HEXB: variants seen among roughly 807,000 people sequenced by gnomAD.
HEXB encodes the protein hexosaminidase subunit beta.
A neutral mutation model predicts 71.2 loss-of-function variants in HEXB; 51 were observed. The ratio of observed to expected loss-of-function variants is 0.72; its 90% CI spans 0.57 to 0.90. The LOEUF is 0.90. Ranked by LOEUF, HEXB falls within the 40% of genes least tolerant of loss-of-function variation. HEXB has a pLI of 0.00. For synonymous variants in HEXB, 266 were observed against 249.3 expected (o/e 1.07, Z -0.63); for missense variants, 617 against 677.0 (o/e 0.91, Z 0.98).
chr5:74,655,092 G>A (rs1748193181), intron 1 of HEXB, among the ~76,000 whole-genome samples: 1 of 147,824 alleles, frequency 6.8e-6, no homozygotes, highest in South Asian at 2.2e-4. Flanking sequence ...AGAGGGTGGA[G>A]GTGAGTGTAG....
rs3058406 is a variant in HEXB at position 74,644,764 on chromosome 5, C to CTTTTTTTTTTTTTTT, written c.-377+4217_-377+4231dup. On this transcript the variant is annotated intron_variant, in intron 1 of 13. Transcript: ENST00000511181. The stretch of plus-strand genomic sequence containing the variant: ...GAGAGTATTCTTCCTCTTTTTTTTC[C>CTTTTTTTTTTTTTTT]TTTTTTTTTTTTTTTTTTTTTTTTT... 8.1e-4 allele frequency among the ~76,000 whole-genome samples: 59 copies of CTTTTTTTTTTTTTTT among 72,956 alleles called. 2 individuals carry two copies. The highest frequency in any genetic ancestry group is 2.0e-3 in the Admixed American group (8 of 4,064). 47.9% of individuals were successfully genotyped at this position (72,956 alleles called of 152,430 possible). A position where few individuals can be genotyped will look rare whatever the true frequency, so the allele number is the denominator to read the frequency against.
At chr5:74,714,037 G>A (rs550468096) in intron 7 of HEXB, among the ~76,000 whole-genome samples, 7 of 152,166 alleles carry the variant, frequency 4.6e-5, no homozygotes, top group African/African-American at 1.4e-4. Context: ...GGGTTTCACC[G>A]TGTTACCCAG....
rs547811124 is a variant in HEXB at position 74,661,908 on chromosome 5, C to T, written c.-377+21350C>T. On this transcript the variant is annotated intron_variant, in intron 1 of 13. Coordinates refer to the HEXB transcript ENST00000511181. The stretch of plus-strand genomic sequence containing the variant: ...TCTTGAGCAGCCTGGCCACATATAG[C>T]CAAATACCAAGTGCTTCCTGGTTCA... Among the ~76,000 whole-genome samples the T allele has an allele frequency of 2.0e-3, 297 of 152,296 alleles. 2 individuals are homozygous for T. Among genetic ancestry groups the T allele is most frequent in the African/African-American group, 6.6e-3 (276 of 41,558 alleles).
intron 1 of HEXB, among the ~76,000 whole-genome samples, chr5:74,642,295 G>C (rs1224254584): frequency 6.6e-6 from 1 of 151,992 alleles, no homozygotes; most frequent in Non-Finnish European, 1.5e-5. Flanking sequence ...CTCGGCTTGA[G>C]GCTGATTCAC....
At chr5:74,663,713 A>T (rs184555498) in intron 1 of HEXB, among the ~76,000 whole-genome samples, 1 of 152,386 alleles carries the variant, frequency 6.6e-6, no homozygotes, top group East Asian at 1.9e-4. Context: ...CCTATCCATT[A>T]CATATAGATC....
chr5:74,685,219 G>C, upstream of HEXB: 2 of 1,471,178 alleles, frequency 1.4e-6, no homozygotes, highest in Non-Finnish European at 1.8e-6. Flanking sequence ...CGGGTCCCGA[G>C]GCTCCGGCTC....
chr5:74,715,994 G>A (rs1359136404), intron 8 of HEXB, among the ~76,000 whole-genome samples: 4 of 127,246 alleles, frequency 3.1e-5, no homozygotes, highest in African/African-American at 1.2e-4. Context: ...TCCAGACTGA[G>A]TGACAGAGTG....
intron 5 of HEXB, among the ~76,000 whole-genome samples, chr5:74,702,311 C>G (rs952163943): frequency 1.4e-4 from 21 of 151,710 alleles, no homozygotes; most frequent in Admixed American, 6.6e-5. Context: ...ATCTCCTGAC[C>G]TCGTGATCCG....
chr5:74,719,895 C>T (rs1264246956), intron 11 of HEXB: 6 of 157,394 alleles, frequency 3.8e-5, no homozygotes, highest in Admixed American at 6.1e-5. Context: ...GAGCCAAGAT[C>T]GCGCCACTGC....
In HEXB at chr5:74,720,469, T is replaced by C; in HGVS notation, c.1459T>C (p.Cys487Arg). ...QKQLFIGGEA[C>R]LWGEYVDATN... ...ACAACTTTTCATTGGTGGAGAAGCT[T>C]GTCTATGGGGAGAATATGTGGATGC... is the stretch of plus-strand genomic sequence containing the variant. Residue 487 changes from cysteine to arginine, a missense_variant, in exon 12 of 14, where the codon TGT becomes CGT. Cys to Arg is a radical substitution (Grantham distance 180). Transcript: ENST00000261416. 6.2e-7 allele frequency: 1 copy of C among 1,613,688 alleles called. No homozygotes were observed. The highest frequency in any genetic ancestry group is 8.5e-7 in the Non-Finnish European group (1 of 1,179,552).
chr5:74,687,543 A>AAACT (rs1339048515), intron 1 of HEXB, among the ~76,000 whole-genome samples: 3 of 152,186 alleles, frequency 2.0e-5, no homozygotes, highest in African/African-American at 7.2e-5. Context: ...CTGGAAGGCT[A>AAACT]AACTAACCCA....
At position 74,715,677 on chromosome 5, in the gene HEXB, G is replaced by C. The variant is rs1354786875; in HGVS notation, c.1069G>C (p.Glu357Gln). ...QFIHLGGDEV[E>Q]FKCWESNPKI... is the part of the protein sequence containing the mutation. ...CATTCATTTGGGAGGAGATGAAGTG[G>C]AATTTAAATGTTGGTAAGATGATTC... The change falls in exon 8 of 14, where the codon GAA becomes CAA. Residue 357 changes from glutamate to glutamine, a missense_variant. Transcript: ENST00000261416. 2 of 1,595,824 alleles carry C rather than the reference G, an allele frequency of 1.3e-6. No individual in the cohort carries two copies. Among genetic ancestry groups the C allele is most frequent in the Admixed American group, 3.3e-5 (2 of 59,810 alleles).
chr5:74,717,477 C>CAT (rs57555383), intron 9 of HEXB, among the ~76,000 whole-genome samples: 17,958 of 146,480 alleles, frequency 0.12, 1,135 homozygotes, highest in African/African-American at 0.17. Flanking sequence ...CTGAAAAATG[C>CAT]ATATATATAT....
intron 3 of HEXB, among the ~76,000 whole-genome samples, chr5:74,694,885 G>A (rs1749077721): frequency 6.6e-6 from 1 of 152,030 alleles, no homozygotes; most frequent in African/African-American, 2.4e-5. Context: ...CAGGAGAATT[G>A]CTTGAACCTG....
Position 74,713,944 on chromosome 5 carries a change from G to T in HEXB, c.901+309G>T, listed in dbSNP as rs189625847. 2.8e-4 allele frequency among the ~76,000 whole-genome samples: 43 copies of T among 152,288 alleles called. 1 individual carries two copies. The East Asian group carries it at 7.7e-3, about 27-fold the overall frequency. On this transcript the variant is annotated intron_variant, in intron 7 of 13. Transcript: ENST00000261416. Reference sequence around the variant, plus strand: ...CAACCTCTGCCTCCCAGGTTCAAGCGATTCTCCTGCCTCAGCCTACTGAGT... The same window carrying T: ...CAACCTCTGCCTCCCAGGTTCAAGCTATTCTCCTGCCTCAGCCTACTGAGT...
At chr5:74,721,048 A>C in intron 13 of HEXB, 70 bp from the exon 14 acceptor site, 1 of 1,211,010 alleles carries the variant, frequency 8.3e-7, no homozygotes, top group East Asian at 2.4e-5. Flanking sequence ...ATGAATATCA[A>C]TCTAAAATAT....
chr5:74,702,320 C>T (rs1396929129), intron 5 of HEXB, among the ~76,000 whole-genome samples: 8 of 151,792 alleles, frequency 5.3e-5, no homozygotes, highest in South Asian at 2.1e-4. Context: ...CCTCGTGATC[C>T]GCCCGCCTCG....
chr5:74,670,022 A>G (rs1436627699), intron 1 of HEXB, among the ~76,000 whole-genome samples: 2 of 152,170 alleles, frequency 1.3e-5, no homozygotes, highest in Admixed American at 1.3e-4. Flanking sequence ...TCCCCAGTGA[A>G]ACCTGACCTT....
upstream of HEXB, among the ~76,000 whole-genome samples, chr5:74,681,310 C>T (rs1011278773): frequency 4.6e-5 from 7 of 152,072 alleles, no homozygotes; most frequent in East Asian, 1.9e-4. Flanking sequence ...GTGCTACTGA[C>T]GACCAGTGAG....
Sources: gnomAD v4.1 joint callset for allele counts (sites outside exome capture counted in the v4.1 genomes callset) on GRCh38, gnomAD v4.1.1 for gene constraint, MANE v1.5 for transcripts, NCBI Gene and HGNC (gene_info 2026-07-23, HGNC 2026-07-21) for gene names.